The following NLRC3 variants were observed in gnomAD, a reference collection of about 807,000 sequenced individuals.
The protein encoded by NLRC3 is NLR family CARD domain containing 3, also known as NLR family CARD domain-containing protein 3.
Under a neutral mutation model 91.6 loss-of-function variants are expected in NLRC3, and 87 were observed. The observed-to-expected ratio is 0.95, with a 90% CI of 0.80 to 1.14. The LOEUF is 1.14. Among genes scored for constraint, NLRC3 ranks in the 50% most tolerant of loss-of-function variants. The pLI is 0.00. For missense variants in NLRC3, 1,577 were observed against 1,418.6 expected (o/e 1.11, Z -1.79); for synonymous variants, 694 against 625.3 (o/e 1.11, Z -1.64).
chr16:3,564,868 A>G lies in NLRC3; in HGVS notation c.169T>C (p.Cys57Arg). The change falls in exon 4 of 20, where the codon TGC becomes CGC. Residue 57 changes from cysteine to arginine, a missense_variant. By Grantham distance (180) the Cys-to-Arg change is radical. Transcript: ENST00000359128. The surrounding 1 kb of genome is among the most constrained non-coding windows in gnomAD (Gnocchi z 5.9). ...CCCAAGCCGGTCCTACCATTGCTGC[A>G]GGGCCCCAGCGGGGCATCCGGTGTC... ...DRTPDAPLGP[C>R]SNDSRIQRHR... The G allele has an allele frequency of 6.2e-7, 1 of 1,605,608 alleles. No homozygotes were observed. The highest frequency in any genetic ancestry group is 8.5e-7 in the Non-Finnish European group (1 of 1,177,302).
Position 3,543,469 on chromosome 16 carries a change from C to T in NLRC3, c.2895G>A (p.Val965=), listed in dbSNP as rs1355795264. The stretch of plus-strand genomic sequence containing the variant: ...TGTTCACAGCCAAGGCTTCCCCTAG[C>T]ACCTGGGCGCCTGAAGCACCAATTG... ...VASIGASGAQ[V]LGEALAVNRT... Residue 965 remains valine (V), a synonymous_variant, in exon 17 of 20, where the codon GTG becomes GTA. Transcript: ENST00000359128. 6.2e-7 allele frequency: 1 copy of T among 1,613,330 alleles called. No homozygotes were observed. Among genetic ancestry groups the T allele is most frequent in the Non-Finnish European group, 8.5e-7 (1 of 1,179,638 alleles).
rs1290571156 is a variant in NLRC3 at position 3,540,571 on chromosome 16, G to C, written c.*1254C>G. The C allele has an allele frequency of 3.3e-5, 5 of 152,260 alleles. No individual in the cohort carries two copies. The highest frequency in any genetic ancestry group is 1.2e-4 in the African/African-American group (5 of 41,452). The allele number at this position is 152,260 out of a possible 1,614,324, so 9.4% of individuals were successfully genotyped here. A position where few individuals can be genotyped will look rare whatever the true frequency, so the allele number is the denominator to read the frequency against. On this transcript the variant is annotated 3_prime_UTR_variant, in exon 20 of 20. Transcript: ENST00000359128. ...TAATCCCAGCACTTTGGGAGGCTGA[G>C]GTGGGTGGATCACTTGAGGTCAGGA... is the stretch of plus-strand genomic sequence containing the variant.
chr16:3,554,343 G>C lies in NLRC3; in HGVS notation c.2184-18C>G, dbSNP rs764454925. ...CCTGGAGGCTGCAGAGACAAGAAGA[G>C]GCTCATCACTGATGGAGCAGAAGCT... On this transcript the variant is annotated intron_variant, in intron 8 of 19. Coordinates refer to ENST00000359128, the MANE Select transcript of NLRC3 (RefSeq NM_178844.4). The C allele has an allele frequency of 2.5e-6, 4 of 1,592,606 alleles. No homozygotes were observed. The highest frequency in any genetic ancestry group is 2.6e-6 in the Non-Finnish European group (3 of 1,160,910).
intron 12 of NLRC3, 148 bp from the exon 13 acceptor site, chr16:3,549,373 G>C: frequency 1.5e-6 from 1 of 682,210 alleles, no homozygotes; most frequent in Non-Finnish European, 2.5e-6. Flanking sequence ...GTGTGAAGGA[G>C]CCAGTGCTAG....
At chr16:3,543,655 C>T (rs1461307524) in intron 16 of NLRC3, 147 bp from the exon 17 acceptor site, 6 of 638,116 alleles carry the variant, frequency 9.4e-6, no homozygotes, top group Non-Finnish European at 1.7e-5. Flanking sequence ...CTAGGCACTC[C>T]ATCTCCTACC....
chr16:3,562,694 C>T (rs2039663859), intron 5 of NLRC3, among the ~76,000 whole-genome samples: 1 of 148,090 alleles, frequency 6.8e-6, no homozygotes. Flanking sequence ...AGAAGATGAC[C>T]AGGCGACGGG....
At chr16:3,554,106 CAG>C in intron 9 of NLRC3, 134 bp downstream of exon 9, 2 of 636,466 alleles carry the variant, frequency 3.1e-6, no homozygotes, top group Non-Finnish European at 2.9e-6. Flanking sequence ...TAATGGGCAT[CAG>C]GGGCCATCCA....
intron 1 of NLRC3, among the ~76,000 whole-genome samples, chr16:3,572,648 T>C (rs1007047969): frequency 6.6e-6 from 1 of 152,198 alleles, no homozygotes; most frequent in African/African-American, 2.4e-5. Flanking sequence ...AATTCTGGAT[T>C]ATAATAACCA....
In NLRC3 at chr16:3,552,200, G is replaced by A; in HGVS notation, c.2347C>T (p.Leu783Phe). The part of the protein sequence containing the change: ...ALKQNRSLKE[L>F]MFSSNSIGDG... ...TGGGCCTTTCATATGTCTCACATGA[G>A]CTCTTTCAGACTCCTGTTCTGCTTC... is the stretch of plus-strand genomic sequence containing the variant. Residue 783 changes from leucine to phenylalanine, a missense_variant, in exon 10 of 20, where the codon CTC becomes TTC. Transcript: ENST00000359128. The A allele has an allele frequency of 6.3e-7, 1 of 1,596,710 alleles. No homozygotes were observed. Among genetic ancestry groups the A allele is most frequent in the Non-Finnish European group, 8.6e-7 (1 of 1,164,066 alleles).
chr16:3,551,292 TCACC>T (rs1311665607), intron 10 of NLRC3, among the ~76,000 whole-genome samples: 3 of 133,338 alleles, frequency 2.2e-5, no homozygotes, highest in Non-Finnish European at 4.8e-5. Context: ...ATCTATCCAC[TCACC>T]CATCCATCCA....
chr16:3,543,422 TACTC>T lies in NLRC3; in HGVS notation c.2938_2939+2del. 3 of 1,604,300 alleles carry T rather than the reference TACTC, an allele frequency of 1.9e-6. No individual in the cohort carries two copies. Among genetic ancestry groups the T allele is most frequent in the Non-Finnish European group, 2.6e-6 (3 of 1,172,330 alleles). The stretch of plus-strand genomic sequence containing the variant: ...GACCATAGATGGAGACTGGAATACT[TACTC>T]GAGAATCTCCAAGGTTCTGTTCACA... On this transcript the variant is annotated splice_donor_variant and coding_sequence_variant, in exon 17 of 20. Transcript: ENST00000359128. LOFTEE classifies it high-confidence loss of function.
At chr16:3,572,779 A>T (rs1271033951) in intron 1 of NLRC3, among the ~76,000 whole-genome samples, 1 of 152,220 alleles carries the variant, frequency 6.6e-6, no homozygotes, top group South Asian at 2.1e-4. Flanking sequence ...TTGGGAGGCC[A>T]AGGCAGGCAG....
intron 11 of NLRC3, 103 bp from the exon 12 acceptor site, chr16:3,549,883 G>A (rs750413478): frequency 1.4e-6 from 1 of 709,688 alleles, no homozygotes; most frequent in South Asian, 1.7e-5. Context: ...CAGGGAGTTG[G>A]GGGCTCCAGG....
At position 3,563,034 on chromosome 16, in the gene NLRC3, G is replaced by A. The variant is rs1298706788; in HGVS notation, c.1903C>T (p.Gln635Ter). 1 of 1,556,712 alleles carries A rather than the reference G, an allele frequency of 6.4e-7. No individual in the cohort carries two copies. The highest frequency in any genetic ancestry group is 2.4e-5 in the East Asian group (1 of 41,586). ...CTGAGCTTCCGGCAGTAGAGCAGCT[G>A]GGGCAGCAGGCTCTGAAGGACGCCC... ...SQGVLQSLLP[Q>*]LLYCRKLRLD... The change falls in exon 5 of 20, where the codon CAG becomes TAG. Residue 635 changes from glutamine (Q) to a stop codon, truncating the protein, a stop_gained. Coordinates refer to ENST00000359128, the MANE Select transcript of NLRC3 (RefSeq NM_178844.4). LOFTEE classifies it high-confidence loss of function.
Position 3,564,733 on chromosome 16 carries a change from C to A in NLRC3, c.204G>T (p.Lys68Asn). ...CACCTCCCACCTTGCTCAGCAGGGCCTTGCGGTGCCTCTGTATCCTTGAGT... is the reference window on the plus strand; with the variant it reads ...CACCTCCCACCTTGCTCAGCAGGGCATTGCGGTGCCTCTGTATCCTTGAGT... The part of the protein sequence containing the change: ...SNDSRIQRHR[K>N]ALLSKVGGGP... Residue 68 changes from lysine (K) to asparagine (N), a missense_variant, in exon 5 of 20, where the codon AAG (lysine) becomes AAT (asparagine). Physicochemically the swap from Lys to Asn is moderately conservative, Grantham distance 94. Transcript: ENST00000359128. This position sits in a 1 kb window ranked among gnomAD's most constrained non-coding sequence, Gnocchi z 5.9. 6.3e-7 allele frequency: 1 copy of A among 1,588,448 alleles called. No homozygotes were observed. The highest frequency in any genetic ancestry group is 2.2e-5 in the East Asian group (1 of 44,696).
intron 12 of NLRC3, 95 bp downstream of exon 12, chr16:3,549,602 A>G: frequency 1.0e-6 from 1 of 969,422 alleles, no homozygotes; most frequent in Non-Finnish European, 1.6e-6. Context: ...CCCCAGCCAT[A>G]GATTTCCCTG....
rs1215278145 is a variant in NLRC3, at chr16:3,544,260, G to T, written c.2841C>A (p.Ala947=). 3.1e-6 allele frequency: 5 copies of T among 1,608,756 alleles called. No homozygotes were observed. The highest frequency in any genetic ancestry group is 3.4e-6 in the Non-Finnish European group (4 of 1,175,168). The change falls in exon 16 of 20, where the codon GCC becomes GCA. Residue 947 remains alanine (A), a synonymous_variant. Transcript: ENST00000359128. ...CTAGGACTTACTAGAGAGCAGTGAGGGCTGTGTTGACCTTCAGTGCACGGG... is the reference window on the plus strand; with the variant it reads ...CTAGGACTTACTAGAGAGCAGTGAGTGCTGTGTTGACCTTCAGTGCACGGG... ...AVARALKVNT[A]LTALYLQVAS... is the part of the protein sequence containing the mutation.
Position 3,541,575 on chromosome 16 carries a change from C to T in NLRC3, c.*250G>A. The T allele has an allele frequency of 1.9e-6, 1 of 528,094 alleles. No individual in the cohort carries two copies. The highest frequency in any genetic ancestry group is 3.2e-5 in the East Asian group (1 of 31,422). 32.7% of individuals were successfully genotyped at this position (528,094 alleles called of 1,614,324 possible). A position where few individuals can be genotyped will look rare whatever the true frequency, so the allele number is the denominator to read the frequency against. On this transcript the variant is annotated 3_prime_UTR_variant, in exon 20 of 20. Transcript: ENST00000359128. ...CTTTCAGGCCTTTGGCCCCTAGTCC[C>T]TTGGGGGTGGCCCCTCCCTTCTCTG...
chr16:3,542,652 T>C (rs2038467347), intron 18 of NLRC3, 40 bp downstream of exon 18: 7 of 1,289,106 alleles, frequency 5.4e-6, no homozygotes, highest in African/African-American at 2.9e-5. Context: ...CAGAGAACTC[T>C]GCTGCTCCAG....
Sources: allele counts gnomAD v4.1 joint callset (sites outside exome capture counted in the v4.1 genomes callset), GRCh38; gene constraint gnomAD v4.1.1; non-coding constraint Gnocchi (gnomAD v3.1); transcripts MANE v1.5; gene names NCBI Gene and HGNC (gene_info 2026-07-23, HGNC 2026-07-21).